The following GNG7 variants were observed in gnomAD, a reference collection of about 807,000 sequenced individuals.
GNG7 encodes the protein G protein subunit gamma 7.
In GNG7, 1 loss-of-function variant was observed where a neutral mutation model predicts 4.0. The observed-to-expected ratio is 0.25, with a 90% CI of 0.09 to 1.18. GNG7 has a LOEUF of 1.18. Among genes scored for constraint, GNG7 ranks in the 50% most tolerant of loss-of-function variants. The probability of loss-of-function intolerance (pLI) is 0.50; values close to 1 mark genes in which losing one functional copy is unlikely to be tolerated. For synonymous variants in GNG7, 34 were observed against 36.9 expected, an observed-to-expected ratio of 0.92 and a Z score of 0.29; for missense variants, 86 against 91.9, an observed-to-expected ratio of 0.94 and a Z score of 0.26.
chr19:2,563,038 G>A lies in GNG7; in HGVS notation c.-77-7850C>T, dbSNP rs551637634. Among the ~76,000 whole-genome samples the A allele has an allele frequency of 2.8e-3, 420 of 151,892 alleles. 2 individuals are homozygous for A. Among genetic ancestry groups the A allele is most frequent in the African/African-American group, 9.7e-3 (400 of 41,424 alleles). ...CGGCTCACTGCAAGCTCCTCCTCCC[G>A]GGTTCACGCCATTCTCCTGCCTCAG... On this transcript the variant is annotated intron_variant, in intron 2 of 4. Coordinates refer to ENST00000382159, the MANE Select transcript of GNG7 (RefSeq NM_052847.3).
rs572754114 is a variant in GNG7, at chr19:2,653,970, C to T, written c.-134-7690G>A. On this transcript the variant is annotated intron_variant, in intron 1 of 4. Coordinates refer to ENST00000382159, the MANE Select transcript of GNG7 (RefSeq NM_052847.3). The surrounding 1 kb of genome is among the most constrained non-coding windows in gnomAD (Gnocchi z 4.8). ...CCCGGGTTCCAGAAGATGTGCCCAG[C>T]ACCCTGGGCCCCCCACCGCCGGGTC... Among the ~76,000 whole-genome samples, 1 of 152,326 alleles carries T rather than the reference C, an allele frequency of 6.6e-6. No individual in the cohort carries two copies. The highest frequency in any genetic ancestry group is 1.9e-4 in the East Asian group (1 of 5,158).
chr19:2,568,330 C>T (rs887543829), intron 2 of GNG7, among the ~76,000 whole-genome samples: 1 of 150,766 alleles, frequency 6.6e-6, no homozygotes, highest in African/African-American at 2.5e-5. Flanking sequence ...CACACATATA[C>T]ACACATATAG....
At chr19:2,670,448 C>T (rs912653487) in intron 1 of GNG7, among the ~76,000 whole-genome samples, 2 of 152,240 alleles carry the variant, frequency 1.3e-5, no homozygotes, top group Non-Finnish European at 2.9e-5. Flanking sequence ...ACACAGGTCA[C>T]CCTGACTCCA....
chr19:2,657,344 AAAAAAAAAAAAAAAAAAATAT>A (rs1214036122), intron 1 of GNG7, among the ~76,000 whole-genome samples: 1 of 12,718 alleles, frequency 7.9e-5, no homozygotes, highest in Non-Finnish European at 1.9e-4. Context: ...AATTAAAAAA[AAAAAAAAAAAAAAAAAAATAT>A]ATATATATAT....
Position 2,512,960 on chromosome 19 carries a change from C to T in GNG7, c.*2062G>A, listed in dbSNP as rs1039742932. 9 of 985,458 alleles carry T rather than the reference C, an allele frequency of 9.1e-6. No individual in the cohort carries two copies. The highest frequency in any genetic ancestry group is 1.1e-5 in the Non-Finnish European group (9 of 829,952). 61.0% of individuals were successfully genotyped at this position (985,458 alleles called of 1,614,324 possible). A position where few individuals can be genotyped will look rare whatever the true frequency, so the allele number is the denominator to read the frequency against. ...CCCAACCACAGGAGGCTGCAGTCTC[C>T]GGGAGCCTCTGGGGCTCTCCCGGGC... On this transcript the variant is annotated 3_prime_UTR_variant, in exon 5 of 5. Transcript: ENST00000382159. The surrounding 1 kb of genome is among the most constrained non-coding windows in gnomAD (Gnocchi z 4.7).
chr19:2,538,382 G>A (rs1032190025), intron 3 of GNG7: 2 of 425,692 alleles, frequency 4.7e-6, no homozygotes, highest in Admixed American at 2.5e-5. Flanking sequence ...TACCACTTTG[G>A]GAGGCCAAGG....
At chr19:2,644,086 T>A (rs1277616584) in intron 2 of GNG7, among the ~76,000 whole-genome samples, 2 of 151,906 alleles carry the variant, frequency 1.3e-5, no homozygotes, top group Non-Finnish European at 2.9e-5. Context: ...AGTGGCGCAA[T>A]CTCAGCTCAC....
chr19:2,525,152 G>A (rs376564383), intron 3 of GNG7, among the ~76,000 whole-genome samples: 11 of 152,308 alleles, frequency 7.2e-5, no homozygotes, highest in African/African-American at 1.7e-4. Flanking sequence ...GCGCACGGGT[G>A]CCGGGCACCC....
intron 1 of GNG7, among the ~76,000 whole-genome samples, chr19:2,656,814 C>T (rs1982988158): frequency 6.6e-6 from 1 of 152,144 alleles, no homozygotes; most frequent in Non-Finnish European, 1.5e-5. Flanking sequence ...GAATTTACCT[C>T]CGGCCCTTTA....
In GNG7 at chr19:2,614,041, C is replaced by CGGG. The variant is rs1021201930; in HGVS notation, c.-78+32182_-78+32183insCCC. Among the ~76,000 whole-genome samples the CGGG allele has an allele frequency of 3.9e-5, 6 of 152,228 alleles. No individual in the cohort carries two copies. The highest frequency in any genetic ancestry group is 5.9e-5 in the Non-Finnish European group (4 of 68,036). On this transcript the variant is annotated intron_variant, in intron 2 of 4. Transcript: ENST00000382159. The surrounding 1 kb of genome is among the most constrained non-coding windows in gnomAD (Gnocchi z 6.0). ...GAATCCACCCAGGGAACTCGGGCCC[C>CGGG]GCGCCTACCCCCGGGGTAAAGGGGG... is the stretch of plus-strand genomic sequence containing the variant.
chr19:2,603,448 C>T (rs778901836), intron 2 of GNG7, among the ~76,000 whole-genome samples: 32 of 152,242 alleles, frequency 2.1e-4, no homozygotes, highest in Non-Finnish European at 4.3e-4. Flanking sequence ...CTTCTCGCAT[C>T]GGGTGGGACC....
chr19:2,627,473 C>T (rs1215878350), intron 2 of GNG7, among the ~76,000 whole-genome samples: 5 of 152,228 alleles, frequency 3.3e-5, no homozygotes, highest in Admixed American at 6.5e-5. Context: ...TCCTCTGGCC[C>T]TGGCTCCCTT....
At chr19:2,552,161 G>T (rs1979353387) in intron 3 of GNG7, among the ~76,000 whole-genome samples, 1 of 151,978 alleles carries the variant, frequency 6.6e-6, no homozygotes, top group Admixed American at 6.6e-5. Flanking sequence ...GGCCTCGACT[G>T]GCCAACATGA....
intron 1 of GNG7, among the ~76,000 whole-genome samples, chr19:2,655,583 A>C (rs1290253124): frequency 1.3e-5 from 2 of 151,860 alleles, no homozygotes; most frequent in African/African-American, 4.8e-5. Flanking sequence ...TCATGCCTGT[A>C]ATCTTAGCAC....
intron 1 of GNG7, among the ~76,000 whole-genome samples, chr19:2,683,910 G>C (rs569946275): frequency 6.6e-6 from 1 of 152,168 alleles, no homozygotes; most frequent in Admixed American, 6.6e-5. Context: ...GGACAGCATC[G>C]GCCAGAGGAG....
intron 1 of GNG7, among the ~76,000 whole-genome samples, chr19:2,700,297 A>G (rs59194140): frequency 0.074 from 11,189 of 152,034 alleles, 806 homozygotes; most frequent in African/African-American, 0.19. Context: ...AAACGCCACT[A>G]TGCCCAGCTA....
chr19:2,571,588 C>T (rs1274576222), intron 2 of GNG7, among the ~76,000 whole-genome samples: 1 of 68,022 alleles, frequency 1.5e-5, no homozygotes, highest in South Asian at 5.6e-4. Flanking sequence ...CATTTCTTTC[C>T]TTTTTTTTTT....
At chr19:2,673,752 G>C (rs17748701) in intron 1 of GNG7, among the ~76,000 whole-genome samples, 10,434 of 151,882 alleles carry the variant, frequency 0.069, 471 homozygotes, top group Middle Eastern at 0.17. Flanking sequence ...AAAGTGTGGA[G>C]TTGAGTTCGT....
At chr19:2,538,460 C>CAAAAAA (rs397859757) in intron 3 of GNG7, 14 of 179,852 alleles carry the variant, frequency 7.8e-5, no homozygotes, top group East Asian at 4.0e-4. Context: ...CCCGTCTCTG[C>CAAAAAA]AAAAAAAAAA....
Sources: gnomAD v4.1 joint callset for allele counts (sites outside exome capture counted in the v4.1 genomes callset) on GRCh38, gnomAD v4.1.1 for gene constraint, Gnocchi (gnomAD v3.1) non-coding constraint, MANE v1.5 for transcripts, NCBI Gene and HGNC (gene_info 2026-07-23, HGNC 2026-07-21) for gene names.